The following ZNF266 variants were observed in gnomAD, a reference collection of about 807,000 sequenced individuals.
The protein encoded by ZNF266 is zinc finger protein 266.
Under a neutral mutation model 16.4 loss-of-function variants are expected in ZNF266, and 16 were observed. The ratio of observed to expected loss-of-function variants is 0.98; its 90% CI spans 0.66 to 1.48. The LOEUF (loss-of-function observed/expected upper bound fraction) is 1.48, where lower values mean the gene tolerates loss of function less well. Among genes scored for constraint, ZNF266 ranks in the 40% most tolerant of loss-of-function variants. The pLI, the probability that ZNF266 is intolerant of heterozygous loss-of-function variation, is 0.00. For missense variants in ZNF266, 738 were observed against 689.1 expected (o/e 1.07, Z -0.79); for synonymous variants, 262 against 237.9 (o/e 1.10, Z -0.93).
intron 5 of ZNF266, among the ~76,000 whole-genome samples, chr19:9,424,840 G>C (rs1370316810): frequency 6.6e-6 from 1 of 152,166 alleles, no homozygotes; most frequent in Non-Finnish European, 1.5e-5. Flanking sequence ...CTCCTTTGGG[G>C]GTGGGTGAGG....
At chr19:9,415,071 G>C (rs947737530) in intron 10 of ZNF266, among the ~76,000 whole-genome samples, 13 of 152,340 alleles carry the variant, frequency 8.5e-5, no homozygotes, top group Admixed American at 2.6e-4. Flanking sequence ...AACGTGGGCA[G>C]ATCACCTCAG....
intron 5 of ZNF266, among the ~76,000 whole-genome samples, chr19:9,421,284 C>T (rs931944006): frequency 1.3e-5 from 2 of 152,180 alleles, no homozygotes; most frequent in Non-Finnish European, 2.9e-5. Flanking sequence ...CATGTCTAGA[C>T]TCCTGGTGTA....
intron 8 of ZNF266, 95 bp from the exon 9 acceptor site, chr19:9,418,003 T>C: frequency 7.9e-7 from 1 of 1,271,772 alleles, no homozygotes; most frequent in Non-Finnish European, 1.1e-6. Flanking sequence ...ATGGAAGCAG[T>C]GAAATTATTT....
At position 9,433,784 on chromosome 19, in the gene ZNF266, C is replaced by G. The variant is rs1210209301; in HGVS notation, c.-246G>C. 2 of 98,122 alleles carry G rather than the reference C, an allele frequency of 2.0e-5. No homozygotes were observed. Among genetic ancestry groups the G allele is most frequent in the Non-Finnish European group, 4.5e-5 (2 of 44,572 alleles). The allele number at this position is 98,122 out of a possible 1,614,324, so 6.1% of individuals were successfully genotyped here. A position where few individuals can be genotyped will look rare whatever the true frequency, so the allele number is the denominator to read the frequency against. On this transcript the variant is annotated splice_region_variant and 5_prime_UTR_variant, in exon 5 of 11. Transcript: ENST00000592904. Reference sequence around the variant, plus strand: ...ACTGGCCAACATGCTGAAACCATCTCTACTAAAAAAAAAAAAAATACAAAA... The same window carrying G: ...ACTGGCCAACATGCTGAAACCATCTGTACTAAAAAAAAAAAAAATACAAAA...
rs188569387 is a variant in ZNF266 at position 9,428,525 on chromosome 19, G to A, written c.-130+5143C>T. Among the ~76,000 whole-genome samples the A allele has an allele frequency of 2.5e-3, 377 of 152,290 alleles. 6 individuals are homozygous for A. The highest frequency in any genetic ancestry group is 0.018 in the Admixed American group (268 of 15,298). ...CCATTATAAGTGATGGGGCTCAGTG[G>A]AATGCTGCTGCCTTCCATCCCTTAG... On this transcript the variant is annotated intron_variant, in intron 5 of 10. Coordinates refer to ENST00000592904, the MANE Select transcript of ZNF266 (RefSeq NM_001370374.1).
intron 10 of ZNF266, 50 bp downstream of exon 10, chr19:9,415,604 C>A (rs1338727044): frequency 2.8e-6 from 4 of 1,443,320 alleles, no homozygotes; most frequent in Non-Finnish European, 3.9e-6. Flanking sequence ...TAATGGAATC[C>A]CCAATCATCT....
At position 9,414,600 on chromosome 19, in the gene ZNF266, A is replaced by G. The variant is rs2122742687; in HGVS notation, c.526T>C (p.Tyr176His). 1.2e-6 allele frequency: 2 copies of G among 1,613,126 alleles called. No homozygotes were observed. The highest frequency in any genetic ancestry group is 1.7e-6 in the Non-Finnish European group (2 of 1,179,084). Residue 176 changes from tyrosine (Y) to histidine (H), a missense_variant, in exon 11 of 11, where the codon TAT (tyrosine) becomes CAT (histidine). Coordinates refer to ENST00000592904, the MANE Select transcript of ZNF266 (RefSeq NM_001370374.1). ...TQNSENTFEC[Y>H]LYGVDFLTLH... is the part of the protein sequence containing the mutation. ...GTAAGGAAGTCTACTCCATACAGATAACACTCAAATGTGTTCTCACTATTT... is the reference window on the plus strand; with the variant it reads ...GTAAGGAAGTCTACTCCATACAGATGACACTCAAATGTGTTCTCACTATTT...
At chr19:9,422,933 T>C (rs2070159769) in intron 5 of ZNF266, among the ~76,000 whole-genome samples, 1 of 152,146 alleles carries the variant, frequency 6.6e-6, no homozygotes, top group South Asian at 2.1e-4. Flanking sequence ...CAAGGAAACC[T>C]AGGAAAAGGT....
intron 9 of ZNF266, among the ~76,000 whole-genome samples, chr19:9,416,357 T>G (rs1481301678): frequency 6.8e-6 from 1 of 147,040 alleles, no homozygotes; most frequent in Non-Finnish European, 1.5e-5. Context: ...AGCTTGTTTT[T>G]GTTTTTTGTT....
Position 9,417,868 on chromosome 19 carries a change from T to C in ZNF266, c.276A>G (p.Glu92=), listed in dbSNP as rs2069300244. 1.2e-6 allele frequency: 2 copies of C among 1,614,172 alleles called. No individual in the cohort carries two copies. The highest frequency in any genetic ancestry group is 1.7e-5 in the Admixed American group (1 of 60,014). The change falls in exon 9 of 11, where the codon GAA becomes GAG. Residue 92 remains glutamate, a synonymous_variant. Transcript: ENST00000592904. ...TCTGCACTGTCCTAGACTCTTCTTG[T>C]TCCAGCCAAGAGATCAGACTGGGTT... ...LFKPSLISWL[E]QEESRTVQRG... is the part of the protein sequence containing the mutation.
At chr19:9,431,808 C>T (rs527894679) in intron 5 of ZNF266, among the ~76,000 whole-genome samples, 2 of 152,280 alleles carry the variant, frequency 1.3e-5, no homozygotes, top group East Asian at 3.9e-4. Context: ...TGTAATATGA[C>T]CCCAGAGATC....
rs1457645313 is a variant in ZNF266 at position 9,413,652 on chromosome 19, C to G, written c.1474G>C (p.Gly492Arg). 6.2e-7 allele frequency: 1 copy of G among 1,613,836 alleles called. No individual in the cohort carries two copies. The highest frequency in any genetic ancestry group is 8.5e-7 in the Non-Finnish European group (1 of 1,179,922). The change falls in exon 11 of 11, where the codon GGA becomes CGA. Residue 492 changes from glycine to arginine, a missense_variant. Gly to Arg is a moderately radical substitution (Grantham distance 125). Coordinates refer to ENST00000592904, the MANE Select transcript of ZNF266 (RefSeq NM_001370374.1). Reference protein sequence around the residue: ...KAFAISSNLSGHLRIHTGEKP... With the variant: ...KAFAISSNLSRHLRIHTGEKP... ...TCTCCAGTGTGAATTCTCAAATGTCCACTAAGATTTGAAGAAATAGCAAAG... is the reference window on the plus strand; with the variant it reads ...TCTCCAGTGTGAATTCTCAAATGTCGACTAAGATTTGAAGAAATAGCAAAG...
intron 5 of ZNF266, among the ~76,000 whole-genome samples, chr19:9,425,433 C>T (rs776152614): frequency 2.0e-5 from 3 of 152,190 alleles, no homozygotes; most frequent in East Asian, 1.9e-4. Context: ...ACTCTCCTCC[C>T]GGTCTGGGTA....
intron 5 of ZNF266, among the ~76,000 whole-genome samples, chr19:9,430,956 G>A (rs569239087): frequency 1.3e-5 from 2 of 152,200 alleles, no homozygotes; most frequent in East Asian, 1.9e-4. Context: ...CTCTTCTCGC[G>A]GATCTGTAAG....
chr19:9,415,455 G>C (rs1422305961), intron 10 of ZNF266, among the ~76,000 whole-genome samples, 199 bp downstream of exon 10: 1 of 152,114 alleles, frequency 6.6e-6, no homozygotes, highest in Admixed American at 6.5e-5. Context: ...ATTAAATTTA[G>C]TTTTTAGCGC....
chr19:9,413,287 T>A lies in ZNF266; in HGVS notation c.1839A>T (p.Arg613Ser), dbSNP rs2068480324. Residue 613 changes from arginine (R) to serine (S), a missense_variant, in exon 11 of 11, where the codon AGA becomes AGT. Transcript: ENST00000592904. ...RNHERRHADE[R>S]LSA ...TTTCCCACATTCCTTATGCTGACAG[T>A]CTCTCATCCGCATGCCTTCTTTCAT... 2 of 1,586,446 alleles carry A rather than the reference T, an allele frequency of 1.3e-6. No homozygotes were observed.
chr19:9,421,549 T>C (rs1300774102), intron 5 of ZNF266, among the ~76,000 whole-genome samples: 1 of 152,156 alleles, frequency 6.6e-6, no homozygotes, highest in African/African-American at 2.4e-5. Flanking sequence ...CCCCTTCCAG[T>C]CTATCTTTTC....
chr19:9,418,570 T>C lies in ZNF266; in HGVS notation c.170A>G (p.Asp57Gly). The change falls in exon 8 of 11, where the codon GAC becomes GGC. Residue 57 changes from aspartate to glycine, a missense_variant. Physicochemically the swap from Asp to Gly is moderately conservative, Grantham distance 94. Transcript: ENST00000592904. ...DFTPEEWTLL[D>G]PTQRNLYRDV... is the part of the protein sequence containing the mutation. ...TCTGTAGAGGTTTCTCTGAGTTGGG[T>C]CCAGTAAAGTCCATTCTTCTGGGGT... 6.2e-7 allele frequency: 1 copy of C among 1,613,338 alleles called. No homozygotes were observed. The highest frequency in any genetic ancestry group is 8.5e-7 in the Non-Finnish European group (1 of 1,179,266).
rs183982040 is a variant in ZNF266 at position 9,414,118 on chromosome 19, T to C, written c.1008A>G (p.Lys336=). The change falls in exon 11 of 11, where the codon AAA becomes AAG. Residue 336 remains lysine, a synonymous_variant. Transcript: ENST00000592904. Reference sequence around the variant, plus strand: ...TGAAGGCTCTCCCACAATCCTTACATTTATAAGGTTTCTCTCCAGTGTGAG... The same window carrying C: ...TGAAGGCTCTCCCACAATCCTTACACTTATAAGGTTTCTCTCCAGTGTGAG... The part of the protein sequence containing the change: ...RKTHTGEKPY[K]CKDCGRAFTV... The C allele has an allele frequency of 4.6e-5, 74 of 1,613,820 alleles. No individual in the cohort carries two copies. In the Admixed American group the frequency reaches 9.2e-4, roughly 20 times the overall value.
Sources: allele counts gnomAD v4.1 joint callset (sites outside exome capture counted in the v4.1 genomes callset), GRCh38; gene constraint gnomAD v4.1.1; transcripts MANE v1.5; gene names NCBI Gene and HGNC (gene_info 2026-07-23, HGNC 2026-07-21).